The following CRIM1 variants were observed in gnomAD, a reference collection of about 807,000 sequenced individuals.
CRIM1 encodes cysteine-rich motor neuron 1 protein.
A neutral mutation model predicts 116.4 loss-of-function variants in CRIM1; 32 were observed. That is an observed-to-expected ratio of 0.27 (90% CI 0.21 to 0.37). The LOEUF is 0.37. CRIM1 is among the 10% of genes least tolerant of loss of function. The probability of loss-of-function intolerance (pLI) is 1.00; values close to 1 mark genes in which losing one functional copy is unlikely to be tolerated. For synonymous variants in CRIM1, 590 were observed against 509.2 expected (o/e 1.16, Z -2.13); for missense variants, 1,331 against 1,354.8 (o/e 0.98, Z 0.28).
chr2:36,358,164 G>T (rs532037027), intron 1 of CRIM1, among the ~76,000 whole-genome samples: 1 of 152,240 alleles, frequency 6.6e-6, no homozygotes, highest in Non-Finnish European at 1.5e-5. Flanking sequence ...GTACAAAAAA[G>T]CCTCTCACCT....
Position 36,356,935 on chromosome 2 carries a change from TC to T in CRIM1, c.331+316del, listed in dbSNP as rs1668860484. On this transcript the variant is annotated intron_variant, in intron 1 of 16. Transcript: ENST00000280527. This position sits in a 1 kb window ranked among gnomAD's most constrained non-coding sequence, Gnocchi z 4.3. ...CTGGGACTGGGTGGCCCGGCCTTGC[TC>T]CCCGAGGTGGGGGCGCCGCGGGCGG... Among the ~76,000 whole-genome samples, 1 of 151,778 alleles carries T rather than the reference TC, an allele frequency of 6.6e-6. No individual in the cohort carries two copies. The highest frequency in any genetic ancestry group is 1.5e-5 in the Non-Finnish European group (1 of 67,920).
At position 36,356,341 on chromosome 2, in the gene CRIM1, C is replaced by T. The variant is rs775911562; in HGVS notation, c.49C>T (p.Leu17=). ...GGGGTTGGCCGGCTGCGGGCACCTC[C>T]TGGTCTCGCTGCTGGGGCTGCTGCT... ...DRGLAGCGHL[L]VSLLGLLLLL... is the part of the protein sequence containing the mutation. Residue 17 remains leucine (L), a synonymous_variant, in exon 1 of 17, where the codon CTG becomes TTG. Coordinates refer to ENST00000280527, the MANE Select transcript of CRIM1 (RefSeq NM_016441.3). This position sits in a 1 kb window ranked among gnomAD's most constrained non-coding sequence, Gnocchi z 4.3. 45 of 1,589,588 alleles carry T rather than the reference C, an allele frequency of 2.8e-5. No individual in the cohort carries two copies. Among genetic ancestry groups the T allele is most frequent in the Middle Eastern group, 2.2e-4 (1 of 4,526 alleles).
intron 5 of CRIM1, among the ~76,000 whole-genome samples, chr2:36,466,817 C>G (rs995669103): frequency 1.7e-4 from 26 of 152,204 alleles, no homozygotes; most frequent in South Asian, 2.1e-4. Context: ...ATTTACTGCC[C>G]TACACTTTAA....
At chr2:36,394,625 A>T (rs1671873966) in intron 1 of CRIM1, among the ~76,000 whole-genome samples, 1 of 151,398 alleles carries the variant, frequency 6.6e-6, no homozygotes, top group African/African-American at 2.4e-5. Flanking sequence ...TATATAAAAC[A>T]TATATATATA....
At chr2:36,360,378 T>C (rs964778089) in intron 1 of CRIM1, among the ~76,000 whole-genome samples, 1 of 152,236 alleles carries the variant, frequency 6.6e-6, no homozygotes, top group East Asian at 1.9e-4. Flanking sequence ...TCTTGGTGAC[T>C]ATTTACTCAG....
chr2:36,476,551 A>T (rs1430449489), intron 5 of CRIM1, among the ~76,000 whole-genome samples: 1 of 152,200 alleles, frequency 6.6e-6, no homozygotes, highest in Non-Finnish European at 1.5e-5. Flanking sequence ...GTAGACAATG[A>T]TTTAACCAAA....
At chr2:36,394,517 A>G (rs1218473489) in intron 1 of CRIM1, among the ~76,000 whole-genome samples, 1 of 151,992 alleles carries the variant, frequency 6.6e-6, no homozygotes, top group Non-Finnish European at 1.5e-5. Flanking sequence ...CTTTCAGAGT[A>G]CTTTACTAAT....
rs1447117008 is a variant in CRIM1 at position 36,479,602 on chromosome 2, T to C, written c.1280T>C (p.Val427Ala). The C allele has an allele frequency of 6.2e-7, 1 of 1,614,200 alleles. No homozygotes were observed. Among genetic ancestry groups the C allele is most frequent in the East Asian group, 2.2e-5 (1 of 44,876 alleles). The stretch of plus-strand genomic sequence containing the variant: ...GACGACTGCACATTCTGCCAGTGCG[T>C]CAACGGTGAACGCCACTGCGTTGCG... ...REDDCTFCQC[V>A]NGERHCVATV... The change falls in exon 7 of 17, where the codon GTC (valine) becomes GCC (alanine). Residue 427 changes from valine to alanine, a missense_variant. By Grantham distance (64) the Val-to-Ala change is moderately conservative (BLOSUM62 0). Around this residue, in one of 3 missense-constraint regions of CRIM1, gnomAD observed 690 missense variants for 676.0 expected, o/e 1.02. Transcript: ENST00000280527.
intron 4 of CRIM1, among the ~76,000 whole-genome samples, chr2:36,454,180 T>C (rs953740331): frequency 1.3e-5 from 2 of 152,142 alleles, no homozygotes; most frequent in African/African-American, 4.8e-5. Flanking sequence ...ATAACCCCAG[T>C]CCTCCTCTCA....
At chr2:36,544,937 T>C (rs1667213567) in intron 15 of CRIM1, among the ~76,000 whole-genome samples, 1 of 152,252 alleles carries the variant, frequency 6.6e-6, no homozygotes, top group East Asian at 1.9e-4. Context: ...TTTCACTTCA[T>C]GTGAGCTAAA....
At chr2:36,518,015 C>G (rs942922472) in intron 12 of CRIM1, among the ~76,000 whole-genome samples, 5 of 152,126 alleles carry the variant, frequency 3.3e-5, no homozygotes, top group Non-Finnish European at 5.9e-5. Flanking sequence ...AATGCCACCC[C>G]CTCCAAGTTG....
chr2:36,517,588 G>C (rs138925367), intron 12 of CRIM1, 46 bp downstream of exon 12: 503 of 1,568,308 alleles, frequency 3.2e-4, no homozygotes, highest in Non-Finnish European at 4.1e-4. Flanking sequence ...GAAGGATGCA[G>C]CTCTGGGTGT....
Position 36,543,804 on chromosome 2 carries a change from A to G in CRIM1, c.2624-572A>G, listed in dbSNP as rs145840448. 2.0e-3 allele frequency among the ~76,000 whole-genome samples: 308 copies of G among 152,274 alleles called. 1 individual carries two copies. The highest frequency in any genetic ancestry group is 7.2e-3 in the African/African-American group (297 of 41,538). On this transcript the variant is annotated intron_variant, in intron 14 of 16. Transcript: ENST00000280527. ...CTGGATAATGTAAATATATTTACTG[A>G]AGATCAGCTTCTAATCTAAATGGTT...
intron 2 of CRIM1, among the ~76,000 whole-genome samples, chr2:36,435,562 C>T (rs893275073): frequency 2.6e-5 from 4 of 151,824 alleles, no homozygotes; most frequent in African/African-American, 9.7e-5. Flanking sequence ...AGCAGAAGCT[C>T]TTGCATGCAT....
chr2:36,419,598 C>A (rs1373784988), intron 2 of CRIM1, among the ~76,000 whole-genome samples: 1 of 152,168 alleles, frequency 6.6e-6, no homozygotes, highest in Non-Finnish European at 1.5e-5. Flanking sequence ...AGACTGAATG[C>A]ACTGATTTTA....
At chr2:36,422,268 T>A (rs1254673125) in intron 2 of CRIM1, among the ~76,000 whole-genome samples, 1 of 152,110 alleles carries the variant, frequency 6.6e-6, no homozygotes, top group East Asian at 1.9e-4. Context: ...TTAAAAAAAA[T>A]CTTTAGGATA....
At chr2:36,375,862 T>C (rs190428323) in intron 1 of CRIM1, among the ~76,000 whole-genome samples, 42 of 152,360 alleles carry the variant, frequency 2.8e-4, no homozygotes, top group African/African-American at 9.4e-4. Context: ...TGTAGAGTTT[T>C]AGTTGGATCA....
At position 36,550,463 on chromosome 2, in the gene CRIM1, GA is replaced by G. The variant is rs1489261621; in HGVS notation, c.*1766del. 1 of 152,390 alleles carries G rather than the reference GA, an allele frequency of 6.6e-6. No individual in the cohort carries two copies. The highest frequency in any genetic ancestry group is 2.4e-5 in the African/African-American group (1 of 41,362). The allele number at this position is 152,390 out of a possible 1,614,324, so 9.4% of individuals were successfully genotyped here. A position where few individuals can be genotyped will look rare whatever the true frequency, so the allele number is the denominator to read the frequency against. ...CACAGATACCCAGTATGCTTAACGT[GA>G]AAAGAAAATGTGTTCTGTTTTGTAA... On this transcript the variant is annotated 3_prime_UTR_variant, in exon 17 of 17. Coordinates refer to ENST00000280527, the MANE Select transcript of CRIM1 (RefSeq NM_016441.3).
Position 36,515,511 on chromosome 2 carries a change from G to A in CRIM1, c.1990+1746G>A, listed in dbSNP as rs146116069. Among the ~76,000 whole-genome samples the A allele has an allele frequency of 3.6e-3, 549 of 152,244 alleles. 2 individuals are homozygous for A. The highest frequency in any genetic ancestry group is 0.012 in the African/African-American group (504 of 41,538). ...GAGACTCCAGAGCTGTTGCATTCAC[G>A]GACTCCTACTTTAAAGAATATTTTT... On this transcript the variant is annotated intron_variant, in intron 11 of 16. Transcript: ENST00000280527.
Sources: allele counts gnomAD v4.1 joint callset (sites outside exome capture counted in the v4.1 genomes callset), GRCh38; gene constraint gnomAD v4.1.1; regional missense constraint gnomAD v4.1.1; non-coding constraint Gnocchi (gnomAD v3.1); transcripts MANE v1.5; gene names NCBI Gene and HGNC (gene_info 2026-07-23, HGNC 2026-07-21).